The following LRP6 variants were observed in gnomAD, a reference collection of about 807,000 sequenced individuals.
LRP6 encodes LDL receptor related protein 6.
LRP6 carries 43 observed loss-of-function variants against 184.1 expected under a neutral mutation model. The ratio of observed to expected loss-of-function variants is 0.23; its 90% CI spans 0.18 to 0.30. The LOEUF (loss-of-function observed/expected upper bound fraction) is 0.30, where lower values mean the gene tolerates loss of function less well. Ranked by LOEUF, LRP6 falls within the 10% of genes least tolerant of loss-of-function variation. The probability of loss-of-function intolerance (pLI) is 1.00; values close to 1 mark genes in which losing one functional copy is unlikely to be tolerated. For synonymous variants in LRP6, 719 were observed against 684.9 expected, an observed-to-expected ratio of 1.05 and a Z score of -0.78; for missense variants, 1,571 against 2,005.3, an observed-to-expected ratio of 0.78 and a Z score of 4.14.
rs566561515 is a variant in LRP6, at chr12:12,219,051, G to A, written c.450-15651C>T. 2.2e-5 allele frequency among the ~76,000 whole-genome samples: 3 copies of A among 136,916 alleles called. No individual in the cohort carries two copies. The South Asian group carries it at 7.1e-4, about 32-fold the overall frequency. 89.8% of individuals were successfully genotyped at this position (136,916 alleles called of 152,430 possible). A position where few individuals can be genotyped will look rare whatever the true frequency, so the allele number is the denominator to read the frequency against. On this transcript the variant is annotated intron_variant, in intron 2 of 22. Transcript: ENST00000261349. The stretch of plus-strand genomic sequence containing the variant: ...TCAGGAGTTTGAGACCAGCCTGGCC[G>A]ACATGGTGAAATCGCACCGAGATCT...
At chr12:12,198,678 C>T (rs774807880) in intron 3 of LRP6, among the ~76,000 whole-genome samples, 4 of 151,796 alleles carry the variant, frequency 2.6e-5, no homozygotes, top group Non-Finnish European at 4.4e-5. Context: ...TGATTACAGG[C>T]GTGCATCACC....
intron 2 of LRP6, among the ~76,000 whole-genome samples, chr12:12,236,259 C>A (rs1472606993): frequency 6.6e-6 from 1 of 152,032 alleles, no homozygotes; most frequent in Non-Finnish European, 1.5e-5. Context: ...AACAAACAAA[C>A]AATGAGGGCA....
chr12:12,142,038 C>T (rs1001955882), intron 15 of LRP6, among the ~76,000 whole-genome samples: 5 of 152,028 alleles, frequency 3.3e-5, no homozygotes, highest in Non-Finnish European at 5.9e-5. Context: ...CAATGTTTAA[C>T]GTCTAAAAGA....
At chr12:12,260,719 T>G (rs932522198) in intron 1 of LRP6, among the ~76,000 whole-genome samples, 1 of 152,140 alleles carries the variant, frequency 6.6e-6, no homozygotes, top group African/African-American at 2.4e-5. Flanking sequence ...GCAAGTTATA[T>G]CCCCACCTAA....
intron 1 of LRP6, chr12:12,249,146 TG>T: frequency 1.4e-6 from 1 of 709,968 alleles, no homozygotes; most frequent in Non-Finnish European, 2.5e-6. Flanking sequence ...GGATGATAAT[TG>T]GGCCTGCAAG....
intron 7 of LRP6, among the ~76,000 whole-genome samples, chr12:12,166,930 T>C (rs868668699): frequency 6.6e-6 from 1 of 152,108 alleles, no homozygotes; most frequent in South Asian, 2.1e-4. Context: ...AGGCCCTGTC[T>C]CTACAAAAAT....
At chr12:12,155,777 T>G (rs1950143111) in intron 12 of LRP6, 3 of 901,642 alleles carry the variant, frequency 3.3e-6, no homozygotes. Flanking sequence ...GCATAATAGG[T>G]GTTAAAAAAA....
At chr12:12,160,651 G>T (rs1036139741) in intron 10 of LRP6, among the ~76,000 whole-genome samples, 1 of 151,904 alleles carries the variant, frequency 6.6e-6, no homozygotes, top group African/African-American at 2.4e-5. Context: ...TTCCATTTTT[G>T]AGTTTTGCAC....
intron 1 of LRP6, chr12:12,249,409 A>C: frequency 2.4e-6 from 2 of 843,330 alleles, no homozygotes; most frequent in Admixed American, 1.7e-5. Flanking sequence ...AGCCACCTCA[A>C]GGACAGTGTT....
chr12:12,179,371 TATAG>T (rs55706552), intron 7 of LRP6, among the ~76,000 whole-genome samples: 14,173 of 123,686 alleles, frequency 0.11, 779 homozygotes, highest in Non-Finnish European at 0.14. Flanking sequence ...AAGATATAGA[TATAG>T]ATATAGATAT....
chr12:12,121,334 C>A lies in LRP6; in HGVS notation c.4634G>T (p.Arg1545Leu), dbSNP rs373389670. 6.2e-7 allele frequency: 1 copy of A among 1,614,096 alleles called. No homozygotes were observed. The change falls in exon 23 of 23, where the codon CGG (arginine) becomes CTG (leucine). Residue 1545 changes from arginine to leucine, a missense_variant. By Grantham distance (102) the Arg-to-Leu change is moderately radical. Transcript: ENST00000261349. ...GGCTGTTGCCACTGAGGTCATTCTC[C>A]GACTAGGAGCATAGTCACTGTCACA... ...DVCDSDYAPS[R>L]RMTSVATAKG...
intron 3 of LRP6, among the ~76,000 whole-genome samples, chr12:12,198,918 AATTT>A (rs1343730558): frequency 1.3e-5 from 2 of 152,122 alleles, no homozygotes; most frequent in Admixed American, 1.3e-4. Context: ...TTAAAGAAAA[AATTT>A]ATTGAAGATT....
At chr12:12,183,119 A>G (rs1485539042) in intron 5 of LRP6, among the ~76,000 whole-genome samples, 1 of 152,198 alleles carries the variant, frequency 6.6e-6, no homozygotes, top group Admixed American at 6.5e-5. Context: ...GTCATAACAA[A>G]CATCCTGTAC....
chr12:12,174,812 T>C (rs1030103409), intron 7 of LRP6, among the ~76,000 whole-genome samples: 9 of 152,218 alleles, frequency 5.9e-5, no homozygotes, highest in Non-Finnish European at 7.3e-5. Flanking sequence ...TACAAAATAA[T>C]ACCTTCTTTA....
rs189117396 is a variant in LRP6 at position 12,248,689 on chromosome 12, C to T, written c.56-4034G>A. 8.3e-3 allele frequency among the ~76,000 whole-genome samples: 1,265 copies of T among 151,928 alleles called. 25 individuals are homozygous for T. Among genetic ancestry groups the T allele is most frequent in the African/African-American group, 0.029 (1,219 of 41,424 alleles). ...TAGAGATGGGGTTTCACCGTGTTAG[C>T]CAGGATGGTCTCGATCTCCTGACCT... On this transcript the variant is annotated intron_variant, in intron 1 of 22. Transcript: ENST00000261349.
At chr12:12,253,033 G>A (rs1472017285) in intron 1 of LRP6, among the ~76,000 whole-genome samples, 4 of 152,208 alleles carry the variant, frequency 2.6e-5, no homozygotes, top group African/African-American at 9.6e-5. Context: ...GGGGGCTGAT[G>A]CAGGTTGATC....
rs1949543855 is a variant in LRP6 at position 12,118,230 on chromosome 12, G to A, written c.*2896C>T. On this transcript the variant is annotated 3_prime_UTR_variant, in exon 23 of 23. Coordinates refer to ENST00000261349, the MANE Select transcript of LRP6 (RefSeq NM_002336.3). ...CAACTCTCTTTGTTTCCCTGTGAAT[G>A]TGCTATTATCTGACTTAAGCAAACA... is the stretch of plus-strand genomic sequence containing the variant. 6.6e-6 allele frequency: 1 copy of A among 152,164 alleles called. No homozygotes were observed. The highest frequency in any genetic ancestry group is 1.5e-5 in the Non-Finnish European group (1 of 68,020). 9.4% of individuals were successfully genotyped at this position (152,164 alleles called of 1,614,324 possible). A position where few individuals can be genotyped will look rare whatever the true frequency, so the allele number is the denominator to read the frequency against.
intron 18 of LRP6, among the ~76,000 whole-genome samples, 200 bp from the exon 19 acceptor site, chr12:12,131,093 TAACA>T (rs949618545): frequency 1.4e-5 from 2 of 141,698 alleles, no homozygotes; most frequent in African/African-American, 5.1e-5. Flanking sequence ...GGAAATTTCC[TAACA>T]TTTTTTTTTT....
At chr12:12,169,781 G>A (rs1212236849) in intron 7 of LRP6, among the ~76,000 whole-genome samples, 2 of 152,092 alleles carry the variant, frequency 1.3e-5, no homozygotes, top group Non-Finnish European at 1.5e-5. Context: ...TGGTAATGAC[G>A]TAAATACAAA....
Sources: gnomAD v4.1 joint callset for allele counts (sites outside exome capture counted in the v4.1 genomes callset) on GRCh38, gnomAD v4.1.1 for gene constraint, MANE v1.5 for transcripts, NCBI Gene and HGNC (gene_info 2026-07-23, HGNC 2026-07-21) for gene names.